The following TRAPPC10 variants were observed in gnomAD, a reference collection of about 807,000 sequenced individuals.
TRAPPC10 encodes TRAPP 130 kDa subunit.
Under a neutral mutation model 125.5 loss-of-function variants are expected in TRAPPC10, and 23 were observed. That is an observed-to-expected ratio of 0.18 (90% CI 0.13 to 0.26). The LOEUF is 0.26. Among genes scored for constraint, TRAPPC10 ranks in the 10% least tolerant of loss-of-function variants. The pLI is 1.00. For missense variants in TRAPPC10, 1,123 were observed against 1,308.4 expected, an observed-to-expected ratio of 0.86 and a Z score of 2.19; for synonymous variants, 509 against 518.0, an observed-to-expected ratio of 0.98 and a Z score of 0.24.
rs912924378 is a variant in TRAPPC10 at position 44,079,823 on chromosome 21, ATATG to A, written c.1610+123_1610+126del. ...AGGAGAGAAAAGTCCTAACTTATAC[ATATG>A]TATTGTATAGAAAATGAATGAAATG... On this transcript the variant is annotated intron_variant, in intron 12 of 22. Transcript: ENST00000291574. The A allele has an allele frequency of 1.5e-5, 17 of 1,168,106 alleles. No homozygotes were observed. The African/African-American group carries it at 2.5e-4, about 17-fold the overall frequency. 72.4% of individuals were successfully genotyped at this position (1,168,106 alleles called of 1,614,324 possible). A position where few individuals can be genotyped will look rare whatever the true frequency, so the allele number is the denominator to read the frequency against.
chr21:44,029,411 A>G, intron 1 of TRAPPC10, among the ~76,000 whole-genome samples: 1 of 152,104 alleles, frequency 6.6e-6, no homozygotes. Context: ...ACCATCTTTC[A>G]TGTGCTGGTT....
In TRAPPC10 at chr21:44,014,082, AC is replaced by A. The variant is rs1429334113; in HGVS notation, c.67+1523del. The stretch of plus-strand genomic sequence containing the variant: ...GGATACACATTCATTGCCTGTACGG[AC>A]ATCCACACATCTAATTTTATCTTCT... On this transcript the variant is annotated intron_variant, in intron 1 of 22. Transcript: ENST00000291574. 2.6e-5 allele frequency among the ~76,000 whole-genome samples: 4 copies of A among 152,256 alleles called. No individual in the cohort carries two copies. In the East Asian group the frequency reaches 7.7e-4, roughly 29 times the overall value.
At chr21:44,055,211 T>G (rs2035491570) in intron 4 of TRAPPC10, among the ~76,000 whole-genome samples, 3 of 152,176 alleles carry the variant, frequency 2.0e-5, no homozygotes. Context: ...TCTGTAGAAC[T>G]TACTGCTCGT....
intron 1 of TRAPPC10, among the ~76,000 whole-genome samples, chr21:44,014,289 C>T (rs953827321): frequency 2.0e-5 from 3 of 151,890 alleles, no homozygotes; most frequent in Non-Finnish European, 4.4e-5. Flanking sequence ...GCGTGCATCA[C>T]GGACAGCTGA....
intron 15 of TRAPPC10, among the ~76,000 whole-genome samples, chr21:44,085,639 T>G (rs1312741096): frequency 6.6e-6 from 1 of 152,006 alleles, no homozygotes; most frequent in East Asian, 1.9e-4. Context: ...CCCAGGAGTT[T>G]GAGGCCTCAG....
intron 10 of TRAPPC10, among the ~76,000 whole-genome samples, 189 bp downstream of exon 10, chr21:44,076,817 C>T (rs1211597311): frequency 6.6e-6 from 1 of 152,004 alleles, no homozygotes; most frequent in African/African-American, 2.4e-5. Flanking sequence ...GTATTAGTGC[C>T]CATGGTACCA....
chr21:44,080,011 C>T lies in TRAPPC10; in HGVS notation c.1611-4C>T. On this transcript the variant is annotated splice_polypyrimidine_tract_variant and splice_region_variant and intron_variant, in intron 12 of 22. Transcript: ENST00000291574. ...TCTCCACGCTCCTTACCTCTCCGCT[C>T]CAGCTACCTGCAGACCAGCAGCCTC... 6.2e-7 allele frequency: 1 copy of T among 1,613,630 alleles called. No individual in the cohort carries two copies. Among genetic ancestry groups the T allele is most frequent in the Non-Finnish European group, 8.5e-7 (1 of 1,179,632 alleles).
intron 13 of TRAPPC10, among the ~76,000 whole-genome samples, chr21:44,081,653 G>A (rs1023666604): frequency 2.6e-5 from 4 of 152,118 alleles, no homozygotes; most frequent in African/African-American, 7.2e-5. Context: ...CTGGGAGGCC[G>A]GGGCAGGCAG....
chr21:44,062,651 G>A (rs1569183087), intron 6 of TRAPPC10: 1 of 984,248 alleles, frequency 1.0e-6, no homozygotes, highest in South Asian at 4.7e-5. Flanking sequence ...CTGGTGCAGG[G>A]GCTGGGCCAG....
At chr21:44,067,855 C>T (rs1020974165) in intron 7 of TRAPPC10, among the ~76,000 whole-genome samples, 1 of 152,080 alleles carries the variant, frequency 6.6e-6, no homozygotes, top group South Asian at 2.1e-4. Flanking sequence ...GGCACAGTGG[C>T]TCAAGCCTGT....
chr21:44,056,631 T>C (rs774396981), intron 5 of TRAPPC10, among the ~76,000 whole-genome samples: 1 of 152,178 alleles, frequency 6.6e-6, no homozygotes, highest in Non-Finnish European at 1.5e-5. Context: ...ACGGAACATA[T>C]CAAATGAACC....
chr21:44,016,724 T>G (rs1209002292), intron 1 of TRAPPC10, among the ~76,000 whole-genome samples: 1 of 152,218 alleles, frequency 6.6e-6, no homozygotes, highest in Non-Finnish European at 1.5e-5. Flanking sequence ...AGTGGTGTGA[T>G]CTTGGCTAAC....
intron 2 of TRAPPC10, 129 bp downstream of exon 2, chr21:44,032,301 A>G: frequency 1.5e-6 from 1 of 665,716 alleles, no homozygotes; most frequent in Non-Finnish European, 2.5e-6. Context: ...TAAAAGCCTC[A>G]GTTCTAAAGA....
intron 18 of TRAPPC10, among the ~76,000 whole-genome samples, chr21:44,090,570 C>G (rs773709386): frequency 3.3e-5 from 5 of 152,158 alleles, no homozygotes; most frequent in Non-Finnish European, 7.3e-5. Context: ...AACAGCTGCC[C>G]TAAAGGCTTG....
chr21:44,060,602 T>G (rs1398905980), intron 6 of TRAPPC10, among the ~76,000 whole-genome samples: 1 of 148,360 alleles, frequency 6.7e-6, no homozygotes, highest in Non-Finnish European at 1.5e-5. Flanking sequence ...TACAAACATA[T>G]CTATTTATTT....
chr21:44,077,236 A>G (rs1157530002), intron 10 of TRAPPC10, among the ~76,000 whole-genome samples: 2 of 152,228 alleles, frequency 1.3e-5, no homozygotes, highest in Admixed American at 6.5e-5. Context: ...TTGCTTATAT[A>G]TTACAGAAAA....
chr21:44,088,243 A>G, intron 17 of TRAPPC10: 1 of 376,386 alleles, frequency 2.7e-6, no homozygotes, highest in East Asian at 5.4e-5. Context: ...TAGACCGGTG[A>G]CGAGGCCAGA....
intron 1 of TRAPPC10, among the ~76,000 whole-genome samples, chr21:44,020,344 T>C (rs1254916822): frequency 6.6e-6 from 1 of 152,084 alleles, no homozygotes; most frequent in Non-Finnish European, 1.5e-5. Flanking sequence ...GCCAGGATGG[T>C]CTCGATCTCC....
chr21:44,026,556 C>T (rs1207092290), intron 1 of TRAPPC10, among the ~76,000 whole-genome samples: 5 of 152,174 alleles, frequency 3.3e-5, no homozygotes, highest in African/African-American at 9.7e-5. Flanking sequence ...TCTCTAATCC[C>T]GTGTTTTCAA....
Sources: gnomAD v4.1 joint callset for allele counts (sites outside exome capture counted in the v4.1 genomes callset) on GRCh38, gnomAD v4.1.1 for gene constraint, MANE v1.5 for transcripts, NCBI Gene and HGNC (gene_info 2026-07-23, HGNC 2026-07-21) for gene names.